The following ELL2 variants were observed in gnomAD, a reference collection of about 807,000 sequenced individuals.
ELL2 encodes the protein RNA polymerase II elongation factor ELL2.
Under a neutral mutation model 72.8 loss-of-function variants are expected in ELL2, and 21 were observed. The observed-to-expected ratio is 0.29, with a 90% CI of 0.20 to 0.42. The LOEUF (loss-of-function observed/expected upper bound fraction) is 0.42, where lower values mean the gene tolerates loss of function less well. Among genes scored for constraint, ELL2 ranks in the 10% least tolerant of loss-of-function variants. The probability of loss-of-function intolerance (pLI) is 1.00; values close to 1 mark genes in which losing one functional copy is unlikely to be tolerated. For synonymous variants in ELL2, 266 were observed against 283.2 expected, an observed-to-expected ratio of 0.94 and a Z score of 0.61; for missense variants, 568 against 772.8, an observed-to-expected ratio of 0.73 and a Z score of 3.14.
chr5:95,907,166 C>G (rs1423460573), intron 4 of ELL2, among the ~76,000 whole-genome samples: 1 of 151,586 alleles, frequency 6.6e-6, no homozygotes, highest in Non-Finnish European at 1.5e-5. Context: ...GTCAGAAATA[C>G]CTGTCAGACC....
intron 2 of ELL2, among the ~76,000 whole-genome samples, chr5:95,921,220 A>G: frequency 6.6e-6 from 1 of 152,244 alleles, no homozygotes; most frequent in East Asian, 1.9e-4. Flanking sequence ...GGAATAAATG[A>G]ACAAGAAGTA....
chr5:95,929,567 A>G (rs957067181), intron 2 of ELL2, among the ~76,000 whole-genome samples: 1 of 152,074 alleles, frequency 6.6e-6, no homozygotes, highest in Non-Finnish European at 1.5e-5. Context: ...GGTCTTACCC[A>G]CTTTTATATA....
At chr5:95,959,531 C>T (rs1256402830) in intron 1 of ELL2, among the ~76,000 whole-genome samples, 1 of 152,230 alleles carries the variant, frequency 6.6e-6, no homozygotes, top group Admixed American at 6.5e-5. Context: ...CTGCTTCTGT[C>T]CCTCTGCCTG....
chr5:95,930,503 A>G (rs1750557799), intron 2 of ELL2, among the ~76,000 whole-genome samples: 1 of 152,236 alleles, frequency 6.6e-6, no homozygotes, highest in Admixed American at 6.5e-5. Context: ...AATAAGACAA[A>G]CAATAGTTAA....
At chr5:95,934,335 A>G (rs1366596349) in intron 2 of ELL2, among the ~76,000 whole-genome samples, 1 of 152,080 alleles carries the variant, frequency 6.6e-6, no homozygotes, top group Non-Finnish European at 1.5e-5. Flanking sequence ...TGTGGGCCCA[A>G]TTTAGTTCTT....
At chr5:95,933,289 T>C (rs930218178) in intron 2 of ELL2, among the ~76,000 whole-genome samples, 1 of 152,134 alleles carries the variant, frequency 6.6e-6, no homozygotes, top group Non-Finnish European at 1.5e-5. Context: ...ATGCCATATC[T>C]AGGAATCTAT....
At chr5:95,955,317 G>T (rs1326797875) in intron 1 of ELL2, among the ~76,000 whole-genome samples, 17 of 152,136 alleles carry the variant, frequency 1.1e-4, no homozygotes, top group Admixed American at 1.1e-3. Flanking sequence ...AATTCAAGGT[G>T]ATAATTTTAT....
intron 2 of ELL2, among the ~76,000 whole-genome samples, chr5:95,925,535 T>C (rs1306936624): frequency 6.6e-5 from 10 of 152,236 alleles, no homozygotes; most frequent in African/African-American, 2.2e-4. Flanking sequence ...CCTGAATATA[T>C]TGTCAGCACC....
intron 2 of ELL2, among the ~76,000 whole-genome samples, chr5:95,922,520 C>CA (rs1467547988): frequency 2.0e-5 from 3 of 152,180 alleles, no homozygotes; most frequent in African/African-American, 4.8e-5. Flanking sequence ...GTCCACTAAA[C>CA]AGAGTGTTAC....
chr5:95,961,558 C>A lies in ELL2; in HGVS notation c.147+17G>T. The A allele has an allele frequency of 1.3e-6, 2 of 1,565,624 alleles. No individual in the cohort carries two copies. The highest frequency in any genetic ancestry group is 1.7e-6 in the Non-Finnish European group (2 of 1,158,020). ...GCTCTGCCTCTCTGAGCCCAGCCTGCCGGCCGGCCCGCTCACCTTGTGGCT... is the reference window on the plus strand; with the variant it reads ...GCTCTGCCTCTCTGAGCCCAGCCTGACGGCCGGCCCGCTCACCTTGTGGCT... On this transcript the variant is annotated intron_variant, in intron 1 of 11. Coordinates refer to ENST00000237853, the MANE Select transcript of ELL2 (RefSeq NM_012081.6).
chr5:95,946,039 C>T (rs1180013214), intron 1 of ELL2, among the ~76,000 whole-genome samples: 1 of 152,136 alleles, frequency 6.6e-6, no homozygotes, highest in Non-Finnish European at 1.5e-5. Flanking sequence ...TTGCCTTTAA[C>T]TTGATAAACT....
chr5:95,946,782 T>A (rs1188822481), intron 1 of ELL2, among the ~76,000 whole-genome samples: 1 of 152,208 alleles, frequency 6.6e-6, no homozygotes, highest in Non-Finnish European at 1.5e-5. Flanking sequence ...CAATCCATAG[T>A]TATTGCTTAC....
At chr5:95,920,759 A>T (rs1750037594) in intron 2 of ELL2, among the ~76,000 whole-genome samples, 1 of 152,128 alleles carries the variant, frequency 6.6e-6, no homozygotes, top group African/African-American at 2.4e-5. Context: ...GTGATAATTA[A>T]AAAAAAGGAT....
chr5:95,906,873 A>G (rs74831462), intron 4 of ELL2, 91 bp from the exon 5 acceptor site: 21,993 of 1,323,010 alleles, frequency 0.017, 207 homozygotes, highest in Non-Finnish European at 0.02. Context: ...GTACCTCTTC[A>G]TTTCTAGAGG....
chr5:95,898,150 C>G (rs184261883), intron 8 of ELL2, 90 bp downstream of exon 8: 60 of 1,000,352 alleles, frequency 6.0e-5, no homozygotes, highest in Non-Finnish European at 6.5e-5. Flanking sequence ...TTAAATGAAA[C>G]GTCATTTGCT....
intron 1 of ELL2, among the ~76,000 whole-genome samples, chr5:95,947,992 G>C (rs965735564): frequency 4.6e-5 from 7 of 151,918 alleles, no homozygotes; most frequent in African/African-American, 1.7e-4. Context: ...TATCCAAACA[G>C]GGCAAACTAA....
rs568728328 is a variant in ELL2, at chr5:95,887,078, T to C, written c.*1793A>G. The C allele has an allele frequency of 6.6e-6, 1 of 152,298 alleles. No homozygotes were observed. Among genetic ancestry groups the C allele is most frequent in the South Asian group, 2.1e-4 (1 of 4,826 alleles). The allele number at this position is 152,298 out of a possible 1,614,324, so 9.4% of individuals were successfully genotyped here. A position where few individuals can be genotyped will look rare whatever the true frequency, so the allele number is the denominator to read the frequency against. ...TTTGAAATAAATTAACGTTTAATAA[T>C]GATTGTACCAATTCTGAGGTAAAAA... is the stretch of plus-strand genomic sequence containing the variant. On this transcript the variant is annotated 3_prime_UTR_variant, in exon 12 of 12. Coordinates refer to ENST00000237853, the MANE Select transcript of ELL2 (RefSeq NM_012081.6).
At chr5:95,957,968 A>C (rs1751680320) in intron 1 of ELL2, among the ~76,000 whole-genome samples, 1 of 152,210 alleles carries the variant, frequency 6.6e-6, no homozygotes, top group Admixed American at 6.5e-5. Context: ...CAATAGACAA[A>C]ATAATTTGGA....
intron 3 of ELL2, among the ~76,000 whole-genome samples, chr5:95,917,764 A>AAGGAAGGT (rs1561499588): frequency 6.6e-6 from 1 of 152,130 alleles, no homozygotes; most frequent in Non-Finnish European, 1.5e-5. Flanking sequence ...CTTTCCAAAC[A>AAGGAAGGT]AGGAAGGTAG....
Sources: gnomAD v4.1 joint callset for allele counts (sites outside exome capture counted in the v4.1 genomes callset) on GRCh38, gnomAD v4.1.1 for gene constraint, MANE v1.5 for transcripts, NCBI Gene and HGNC (gene_info 2026-07-23, HGNC 2026-07-21) for gene names.